The following ZBP1 variants were observed in gnomAD, a reference collection of about 807,000 sequenced individuals.
ZBP1 encodes the protein Z-DNA binding protein 1, also known as Z-DNA-binding protein 1.
A neutral mutation model predicts 41.1 loss-of-function variants in ZBP1; 42 were observed. That is an observed-to-expected ratio of 1.02 (90% CI 0.80 to 1.32). ZBP1 has a LOEUF of 1.32. Among genes scored for constraint, ZBP1 ranks in the 40% most tolerant of loss-of-function variants. The pLI is 0.00. For synonymous variants in ZBP1, 214 were observed against 205.2 expected (o/e 1.04, Z -0.37); for missense variants, 562 against 549.7 (o/e 1.02, Z -0.22).
At chr20:57,617,215 C>G (rs1034735202) in intron 1 of ZBP1, 1 of 155,018 alleles carries the variant, frequency 6.5e-6, no homozygotes, top group Non-Finnish European at 1.4e-5. Flanking sequence ...CCCAACTTCC[C>G]TCCAAGTGCT....
At chr20:57,605,811 G>A (rs2070480677) in intron 7 of ZBP1, among the ~76,000 whole-genome samples, 1 of 152,158 alleles carries the variant, frequency 6.6e-6, no homozygotes, top group Non-Finnish European at 1.5e-5. Context: ...GTGCAGGTCT[G>A]TAATCACAGC....
At position 57,610,710 on chromosome 20, in the gene ZBP1, T is replaced by A. The variant is rs1252072670; in HGVS notation, c.875-343A>T. ...GCACTGGAACACTGGCCCCCACTTTTGGTTGAAATCTTATGGGGGCTCCCA... is the reference window on the plus strand; with the variant it reads ...GCACTGGAACACTGGCCCCCACTTTAGGTTGAAATCTTATGGGGGCTCCCA... On this transcript the variant is annotated intron_variant, in intron 6 of 7. Transcript: ENST00000371173. The surrounding 1 kb of genome is among the most constrained non-coding windows in gnomAD (Gnocchi z 5.5). 2.7e-6 allele frequency: 1 copy of A among 366,982 alleles called. No homozygotes were observed. The highest frequency in any genetic ancestry group is 5.1e-6 in the Non-Finnish European group (1 of 196,630). 22.7% of individuals were successfully genotyped at this position (366,982 alleles called of 1,614,324 possible). A position where few individuals can be genotyped will look rare whatever the true frequency, so the allele number is the denominator to read the frequency against.
At chr20:57,604,835 G>C (rs564312535) in intron 7 of ZBP1, 66 bp from the exon 8 acceptor site, 22 of 1,451,712 alleles carry the variant, frequency 1.5e-5, no homozygotes, top group Non-Finnish European at 2.1e-5. Flanking sequence ...ACAGGGACCC[G>C]CTCTTGGAAG....
Position 57,610,488 on chromosome 20 carries a change from A to G in ZBP1, c.875-121T>C. On this transcript the variant is annotated intron_variant, in intron 6 of 7. Transcript: ENST00000371173. This position sits in a 1 kb window ranked among gnomAD's most constrained non-coding sequence, Gnocchi z 5.5. ...TCCCACCAGTGGCCCACACCATCCC[A>G]GGAGCACAGCCTGTGCCTGCCCGCC... 1 of 1,009,890 alleles carries G rather than the reference A, an allele frequency of 9.9e-7. No individual in the cohort carries two copies. Among genetic ancestry groups the G allele is most frequent in the Non-Finnish European group, 1.5e-6 (1 of 678,092 alleles). The allele number at this position is 1,009,890 out of a possible 1,614,324, so 62.6% of individuals were successfully genotyped here.
intron 7 of ZBP1, chr20:57,607,417 G>A: frequency 8.5e-7 from 1 of 1,177,724 alleles, no homozygotes; most frequent in Non-Finnish European, 1.1e-6. Context: ...TCTTATGGAT[G>A]AGCAAAGAAA....
At position 57,610,804 on chromosome 20, in the gene ZBP1, T is replaced by G. The variant is rs2146570076; in HGVS notation, c.875-437A>C. ...CAAACTTCTGAAGAATCATCCACAC[T>G]GAGTCCCGCCCCCTCCACCCCCGAG... On this transcript the variant is annotated intron_variant, in intron 6 of 7. Transcript: ENST00000371173. This position sits in a 1 kb window ranked among gnomAD's most constrained non-coding sequence, Gnocchi z 5.5. 4.0e-6 allele frequency: 1 copy of G among 251,144 alleles called. No individual in the cohort carries two copies. The highest frequency in any genetic ancestry group is 7.9e-6 in the Non-Finnish European group (1 of 126,852). 15.6% of individuals were successfully genotyped at this position (251,144 alleles called of 1,614,324 possible).
rs772052598 is a variant in ZBP1, at chr20:57,604,750, T to C, written c.1113A>G (p.Thr371=). The change falls in exon 8 of 8, where the codon ACA becomes ACG. Residue 371 remains threonine (T), a synonymous_variant. Transcript: ENST00000371173. The part of the protein sequence containing the change: ...GEDAGRRPAD[T]QSRSHFPRDI... ...CTCGAGGAAAGTGACTTCTGGATTG[T>C]GTGTCTGCGGGACGACGACCTAGGG... The C allele has an allele frequency of 4.3e-6, 7 of 1,613,940 alleles. No homozygotes were observed. Among genetic ancestry groups the C allele is most frequent in the Non-Finnish European group, 5.9e-6 (7 of 1,179,884 alleles).
At position 57,616,219 on chromosome 20, in the gene ZBP1, C is replaced by T. The variant is rs757828562; in HGVS notation, c.259+25G>A. ...CCAGGATGCTCCCTGCAGGGTCAGA[C>T]CCGCCTCCCCGGGGTGGCAGTTACC... On this transcript the variant is annotated intron_variant, in intron 2 of 7. Transcript: ENST00000371173. 1.5e-5 allele frequency: 24 copies of T among 1,608,330 alleles called. No individual in the cohort carries two copies. In the South Asian group the frequency reaches 2.6e-4, roughly 18 times the overall value.
chr20:57,620,272 C>T lies in ZBP1; in HGVS notation c.24G>A (p.Pro8=), dbSNP rs545181109. MAQAPAD[P]GREGHLEQRI... is the part of the protein sequence containing the mutation. ...GAAGAAGTACTGTACCTTCTCTGCCCGGGTCAGCAGGAGCCTGGGCCATGC... is the reference window on the plus strand; with the variant it reads ...GAAGAAGTACTGTACCTTCTCTGCCTGGGTCAGCAGGAGCCTGGGCCATGC... The change falls in exon 1 of 8, where the codon CCG becomes CCA. Residue 8 remains proline, a synonymous_variant. Transcript: ENST00000371173. 2.6e-5 allele frequency: 42 copies of T among 1,595,632 alleles called. No homozygotes were observed. In the Admixed American group the frequency reaches 3.3e-4, roughly 13 times the overall value.
In ZBP1 at chr20:57,610,507, G is replaced by T. The variant is rs891575989; in HGVS notation, c.875-140C>A. Reference sequence around the variant, plus strand: ...CATCCCAGGAGCACAGCCTGTGCCTGCCCGCCACACCTCCACCCGCCACAC... The same window carrying T: ...CATCCCAGGAGCACAGCCTGTGCCTTCCCGCCACACCTCCACCCGCCACAC... On this transcript the variant is annotated intron_variant, in intron 6 of 7. Transcript: ENST00000371173. The surrounding 1 kb of genome is among the most constrained non-coding windows in gnomAD (Gnocchi z 5.5). The T allele has an allele frequency of 8.1e-5, 64 of 788,224 alleles. No individual in the cohort carries two copies. Among genetic ancestry groups the T allele is most frequent in the South Asian group, 6.5e-4 (37 of 56,864 alleles). The allele number at this position is 788,224 out of a possible 1,614,324, so 48.8% of individuals were successfully genotyped here.
At position 57,610,098 on chromosome 20, in the gene ZBP1, G is replaced by T. The variant is rs1431082259; in HGVS notation, c.1093+51C>A. Reference sequence around the variant, plus strand: ...AGAGTGAATGAATGAATGAGTGGAAGGTGGGGAGAGAGAGAGAACACACAG... The same window carrying T: ...AGAGTGAATGAATGAATGAGTGGAATGTGGGGAGAGAGAGAGAACACACAG... On this transcript the variant is annotated intron_variant, in intron 7 of 7. Transcript: ENST00000371173. The surrounding 1 kb of genome is among the most constrained non-coding windows in gnomAD (Gnocchi z 5.5). The T allele has an allele frequency of 4.6e-6, 7 of 1,532,720 alleles. No homozygotes were observed. 94.9% of individuals were successfully genotyped at this position (1,532,720 alleles called of 1,614,324 possible). A position where few individuals can be genotyped will look rare whatever the true frequency, so the allele number is the denominator to read the frequency against.
rs765775863 is a variant in ZBP1 at position 57,610,147 on chromosome 20, A to T, written c.1093+2T>A. ...AGGGGTCCACTCTGCCCCCTAGCTCACCTGCGTCCTCCCCTGGCTCCCCCT... is the reference window on the plus strand; with the variant it reads ...AGGGGTCCACTCTGCCCCCTAGCTCTCCTGCGTCCTCCCCTGGCTCCCCCT... On this transcript the variant is annotated splice_donor_variant, in intron 7 of 7. Transcript: ENST00000371173. LOFTEE classifies it high-confidence loss of function. The surrounding 1 kb of genome is among the most constrained non-coding windows in gnomAD (Gnocchi z 5.5). 1 of 1,613,222 alleles carries T rather than the reference A, an allele frequency of 6.2e-7. No homozygotes were observed. Among genetic ancestry groups the T allele is most frequent in the Admixed American group, 1.7e-5 (1 of 60,006 alleles).
At chr20:57,607,150 C>A in intron 7 of ZBP1, 1 of 1,304,238 alleles carries the variant, frequency 7.7e-7, no homozygotes, top group Non-Finnish European at 1.0e-6. Flanking sequence ...TGAAAATCTT[C>A]TGGAAAAGAT....
intron 3 of ZBP1, 89 bp downstream of exon 3, chr20:57,615,423 G>A (rs568077299): frequency 4.2e-6 from 6 of 1,416,564 alleles, no homozygotes; most frequent in Admixed American, 1.8e-5. Flanking sequence ...CTGAACACTG[G>A]TGAGATCTTG....
At position 57,610,355 on chromosome 20, in the gene ZBP1, G is replaced by A; in HGVS notation, c.887C>T (p.Ala296Val). 1 of 1,614,206 alleles carries A rather than the reference G, an allele frequency of 6.2e-7. No homozygotes were observed. Among genetic ancestry groups the A allele is most frequent in the Non-Finnish European group, 8.5e-7 (1 of 1,180,034 alleles). The stretch of plus-strand genomic sequence containing the variant: ...TTCAAACGAAGCTTCTGGGCCGGCA[G>A]CAGTGGCAGAGACTGTGGGTCAAAG... ...PPGSPPVSAT[A>V]AGPEASFEAR... Residue 296 changes from alanine (A) to valine (V), a missense_variant, in exon 7 of 8, where the codon GCT becomes GTT. Physicochemically the swap from Ala to Val is moderately conservative, Grantham distance 64. Transcript: ENST00000371173. This position sits in a 1 kb window ranked among gnomAD's most constrained non-coding sequence, Gnocchi z 5.5.
chr20:57,615,266 GC>G, intron 3 of ZBP1: 1 of 692,324 alleles, frequency 1.4e-6, no homozygotes, highest in Non-Finnish European at 2.4e-6. Flanking sequence ...TCTGCGCTGG[GC>G]CTGGCATGTG....
intron 1 of ZBP1, among the ~76,000 whole-genome samples, chr20:57,618,815 G>A (rs2070917098): frequency 1.3e-5 from 2 of 152,128 alleles, no homozygotes; most frequent in Admixed American, 6.5e-5. Flanking sequence ...TCCTGACCTT[G>A]GGTGATCCCC....
In ZBP1 at chr20:57,615,550, A is replaced by T. The variant is rs558723968; in HGVS notation, c.290T>A (p.Ile97Asn). ...GAACTGAGGGCCAGGGGTCTCTGGA[A>T]TTGTAGCTGCATGTTGCTGGGGCCT... ...AERPQQHAAT[I>N]PETPGPQFSQ... is the part of the protein sequence containing the mutation. The change falls in exon 3 of 8, where the codon ATT (isoleucine) becomes AAT (asparagine). Residue 97 changes from isoleucine to asparagine, a missense_variant. Ile to Asn is a moderately radical substitution (Grantham distance 149, BLOSUM62 -3). Coordinates refer to ENST00000371173, the MANE Select transcript of ZBP1 (RefSeq NM_030776.3). 16 of 1,613,328 alleles carry T rather than the reference A, an allele frequency of 9.9e-6. No individual in the cohort carries two copies. In the East Asian group the frequency reaches 3.3e-4, roughly 34 times the overall value.
Position 57,610,373 on chromosome 20 carries a change from G to T in ZBP1, c.875-6C>A. On this transcript the variant is annotated splice_polypyrimidine_tract_variant and splice_region_variant and intron_variant, in intron 6 of 7. Transcript: ENST00000371173. The surrounding 1 kb of genome is among the most constrained non-coding windows in gnomAD (Gnocchi z 5.5). ...GCCGGCAGCAGTGGCAGAGACTGTG[G>T]GTCAAAGGGAGAGAGGCCTGGAGCC... 1 of 1,613,998 alleles carries T rather than the reference G, an allele frequency of 6.2e-7. No individual in the cohort carries two copies. The highest frequency in any genetic ancestry group is 8.5e-7 in the Non-Finnish European group (1 of 1,179,896).
Sources: allele counts gnomAD v4.1 joint callset (sites outside exome capture counted in the v4.1 genomes callset), GRCh38; gene constraint gnomAD v4.1.1; non-coding constraint Gnocchi (gnomAD v3.1); transcripts MANE v1.5; gene names NCBI Gene and HGNC (gene_info 2026-07-23, HGNC 2026-07-21).